The following STAG1 variants were observed in gnomAD, a reference collection of about 807,000 sequenced individuals.
STAG1 encodes cohesin subunit SA-1.
STAG1 carries 26 observed loss-of-function variants against 170.9 expected under a neutral mutation model. The observed-to-expected ratio is 0.15, with a 90% CI of 0.11 to 0.21. The LOEUF is 0.21. Among genes scored for constraint, STAG1 ranks in the 10% least tolerant of loss-of-function variants. The probability of loss-of-function intolerance (pLI) is 1.00; values close to 1 mark genes in which losing one functional copy is unlikely to be tolerated. For missense variants in STAG1, 964 were observed against 1,509.5 expected (o/e 0.64, Z 5.99); for synonymous variants, 514 against 497.7 (o/e 1.03, Z -0.44).
At chr3:136,540,195 C>T (rs1407875334) in intron 6 of STAG1, among the ~76,000 whole-genome samples, 3 of 151,532 alleles carry the variant, frequency 2.0e-5, no homozygotes, top group Non-Finnish European at 4.4e-5. Context: ...GGTATATACA[C>T]AGTAACAAAA....
Position 136,729,322 on chromosome 3 carries a change from T to C in STAG1, c.-84+22873A>G, listed in dbSNP as rs555152579. On this transcript the variant is annotated intron_variant, in intron 1 of 33. Transcript: ENST00000383202. ...CGCTCAGCCTAGACAAAGGGATTTA[T>C]GAATTTAAAATTTCCTGTCTACCCT... is the stretch of plus-strand genomic sequence containing the variant. Among the ~76,000 whole-genome samples the C allele has an allele frequency of 3.5e-4, 53 of 152,228 alleles. 1 individual carries two copies. Among genetic ancestry groups the C allele is most frequent in the Non-Finnish European group, 4.1e-4 (28 of 68,012 alleles).
At chr3:136,441,093 C>T (rs1331703693) in intron 15 of STAG1, among the ~76,000 whole-genome samples, 11 of 142,994 alleles carry the variant, frequency 7.7e-5, no homozygotes, top group African/African-American at 1.6e-4. Flanking sequence ...AGTGAATCGG[C>T]GAGATCTCAG....
At chr3:136,552,249 A>G (rs973608837) in intron 5 of STAG1, among the ~76,000 whole-genome samples, 1 of 152,260 alleles carries the variant, frequency 6.6e-6, no homozygotes, top group African/African-American at 2.4e-5. Context: ...TGCCAAAAGC[A>G]TCAAAGTTTC....
intron 1 of STAG1, among the ~76,000 whole-genome samples, chr3:136,730,944 A>C (rs765587531): frequency 1.3e-5 from 2 of 152,218 alleles, no homozygotes; most frequent in Non-Finnish European, 2.9e-5. Context: ...AGAATTTCTG[A>C]GTTGGCAGGC....
intron 15 of STAG1, among the ~76,000 whole-genome samples, chr3:136,434,508 G>A (rs1464303648): frequency 6.6e-6 from 1 of 152,040 alleles, no homozygotes; most frequent in Non-Finnish European, 1.5e-5. Context: ...CTGTTTTTGT[G>A]CTACTATTCA....
chr3:136,737,192 C>T (rs1213274549), intron 1 of STAG1: 2 of 713,760 alleles, frequency 2.8e-6, no homozygotes, highest in Non-Finnish European at 5.2e-6. Context: ...ATGCTGCCTC[C>T]GCCACACGAA....
Position 136,673,093 on chromosome 3 carries a change from A to G in STAG1, c.-83-42112T>C, listed in dbSNP as rs528204126. Among the ~76,000 whole-genome samples, 8 of 152,362 alleles carry G rather than the reference A, an allele frequency of 5.3e-5. No individual in the cohort carries two copies. The East Asian group carries it at 1.2e-3, about 22-fold the overall frequency. ...CTTTTCTACTGGATTGAAAAAGGGA[A>G]TAAGAATTCGTTTTAATATCAAAAC... is the stretch of plus-strand genomic sequence containing the variant. On this transcript the variant is annotated intron_variant, in intron 1 of 33. Transcript: ENST00000383202.
Position 136,521,317 on chromosome 3 carries a change from T to C in STAG1, c.572A>G (p.Tyr191Cys). Residue 191 changes from tyrosine to cysteine, a missense_variant, in exon 7 of 34, where the codon TAT (tyrosine) becomes TGT (cysteine). Coordinates refer to ENST00000383202, the MANE Select transcript of STAG1 (RefSeq NM_005862.3). The stretch of plus-strand genomic sequence containing the variant: ...CATATACTCATCATAAATTATGCTA[T>C]ACTGACACTGTCGAATCAGGACTCC... ...FIGVLIRQCQ[Y>C]SIIYDEYMMD... The C allele has an allele frequency of 6.2e-7, 1 of 1,613,814 alleles. No individual in the cohort carries two copies.
chr3:136,698,040 A>C (rs755038528), intron 1 of STAG1, among the ~76,000 whole-genome samples: 7 of 152,172 alleles, frequency 4.6e-5, no homozygotes, highest in Non-Finnish European at 8.8e-5. Context: ...AGAAAGAAAG[A>C]AAATCTAAGA....
At chr3:136,341,585 G>T in intron 30 of STAG1, 34 bp from the exon 31 acceptor site, 1 of 1,432,484 alleles carries the variant, frequency 7.0e-7, no homozygotes, top group African/African-American at 1.4e-5. Context: ...TTTTGTAGCA[G>T]CAGATGATGA....
chr3:136,451,774 A>G (rs2088949885), intron 14 of STAG1, among the ~76,000 whole-genome samples: 1 of 152,128 alleles, frequency 6.6e-6, no homozygotes, highest in South Asian at 2.1e-4. Flanking sequence ...AAAGAAAAAA[A>G]AAAAAAGATA....
intron 12 of STAG1, among the ~76,000 whole-genome samples, chr3:136,465,847 C>T (rs772645263): frequency 5.3e-5 from 8 of 152,144 alleles, no homozygotes; most frequent in Admixed American, 1.3e-4. Context: ...ATAACCTCTA[C>T]GAAAAAATTA....
intron 9 of STAG1, among the ~76,000 whole-genome samples, chr3:136,499,055 C>A (rs1168816907): frequency 6.6e-6 from 1 of 152,186 alleles, no homozygotes; most frequent in African/African-American, 2.4e-5. Context: ...ACAAGTTAGA[C>A]CTCCATGTAA....
chr3:136,472,292 A>C, intron 12 of STAG1, 121 bp downstream of exon 12: 1 of 547,052 alleles, frequency 1.8e-6, no homozygotes, highest in Non-Finnish European at 3.0e-6. Context: ...TTAAAATGTA[A>C]AAGTTGAACC....
intron 12 of STAG1, among the ~76,000 whole-genome samples, chr3:136,471,694 A>T (rs2107811431): frequency 6.6e-6 from 1 of 152,280 alleles, no homozygotes; most frequent in East Asian, 1.9e-4. Context: ...TACAGCTATA[A>T]CATTATTATT....
chr3:136,395,013 G>A (rs1054429721), intron 22 of STAG1, among the ~76,000 whole-genome samples: 1 of 151,146 alleles, frequency 6.6e-6, no homozygotes, highest in Non-Finnish European at 1.5e-5. Context: ...TTCAGGGGCT[G>A]AGGTGGGAGG....
intron 4 of STAG1, among the ~76,000 whole-genome samples, chr3:136,569,759 G>T: frequency 6.6e-6 from 1 of 151,828 alleles, no homozygotes; most frequent in Admixed American, 6.6e-5. Flanking sequence ...AATATAAATG[G>T]ATTAGTAGCT....
intron 23 of STAG1, among the ~76,000 whole-genome samples, chr3:136,372,046 T>C (rs1937368842): frequency 6.6e-6 from 1 of 152,232 alleles, no homozygotes; most frequent in Non-Finnish European, 1.5e-5. Context: ...CAGTGGTTTG[T>C]AGTTCTCCTT....
At chr3:136,741,563 G>C (rs897684075) in intron 1 of STAG1, among the ~76,000 whole-genome samples, 3 of 152,102 alleles carry the variant, frequency 2.0e-5, no homozygotes, top group Admixed American at 2.0e-4. Context: ...CCACCTCCCG[G>C]GTTCAAGCGA....
Sources: allele counts gnomAD v4.1 joint callset (sites outside exome capture counted in the v4.1 genomes callset), GRCh38; gene constraint gnomAD v4.1.1; transcripts MANE v1.5; gene names NCBI Gene and HGNC (gene_info 2026-07-23, HGNC 2026-07-21).